Variants in NR2C2AP observed in about 807,000 individuals in gnomAD.
NR2C2AP encodes nuclear receptor 2C2 associated protein.
NR2C2AP carries 13 observed loss-of-function variants against 19.1 expected under a neutral mutation model. The ratio of observed to expected loss-of-function variants is 0.68; its 90% CI spans 0.44 to 1.08. NR2C2AP has a LOEUF of 1.08. Ranked by LOEUF, NR2C2AP falls within the 50% of genes least tolerant of loss-of-function variation. The pLI is 0.00. For missense variants in NR2C2AP, 181 were observed against 172.7 expected (o/e 1.05, Z -0.27); for synonymous variants, 81 against 64.4 (o/e 1.26, Z -1.23).
Position 19,202,901 on chromosome 19 carries a change from G to C in NR2C2AP, c.39-20C>G, listed in dbSNP as rs1177630660. 3 of 1,611,702 alleles carry C rather than the reference G, an allele frequency of 1.9e-6. No homozygotes were observed. On this transcript the variant is annotated intron_variant, in intron 1 of 4. Coordinates refer to ENST00000331552, the MANE Select transcript of NR2C2AP (RefSeq NM_176880.6). ...CTCACCCTGGAGGCACCAGGATCAA[G>C]GCGAAGAGAGGGGCTGAGACCAGCT...
chr19:19,202,455 AG>A lies in NR2C2AP; in HGVS notation c.235+14del. The A allele has an allele frequency of 6.2e-7, 1 of 1,613,764 alleles. No homozygotes were observed. Among genetic ancestry groups the A allele is most frequent in the Non-Finnish European group, 8.5e-7 (1 of 1,179,622 alleles). The stretch of plus-strand genomic sequence containing the variant: ...GTGACCCCTGGAACCCCTGCCACCC[AG>A]GGCCTTCTAGTACCTTCCAGGCAGC... On this transcript the variant is annotated intron_variant, in intron 3 of 4. Coordinates refer to ENST00000331552, the MANE Select transcript of NR2C2AP (RefSeq NM_176880.6).
chr19:19,203,144 C>A lies in NR2C2AP; in HGVS notation c.-84G>T. On this transcript the variant is annotated 5_prime_UTR_variant, in exon 1 of 5. Coordinates refer to ENST00000331552, the MANE Select transcript of NR2C2AP (RefSeq NM_176880.6). Reference sequence around the variant, plus strand: ...GGCGCCTCCTCAAGCTACAGGGCGGCGCGATCTTGGCTACGCCTTGGCCTG... The same window carrying A: ...GGCGCCTCCTCAAGCTACAGGGCGGAGCGATCTTGGCTACGCCTTGGCCTG... 7.5e-6 allele frequency: 11 copies of A among 1,460,802 alleles called. No homozygotes were observed. Among genetic ancestry groups the A allele is most frequent in the Non-Finnish European group, 1.0e-5 (11 of 1,052,170 alleles). 90.5% of individuals were successfully genotyped at this position (1,460,802 alleles called of 1,614,324 possible). A position where few individuals can be genotyped will look rare whatever the true frequency, so the allele number is the denominator to read the frequency against.
chr19:19,201,952 G>A lies in NR2C2AP; in HGVS notation c.393C>T (p.His131=). The A allele has an allele frequency of 6.2e-7, 1 of 1,614,222 alleles. No homozygotes were observed. The change falls in exon 5 of 5, where the codon CAC becomes CAT. Residue 131 remains histidine (H), a synonymous_variant. Coordinates refer to ENST00000331552, the MANE Select transcript of NR2C2AP (RefSeq NM_176880.6). The stretch of plus-strand genomic sequence containing the variant: ...ACACCTTCTCCCCAAGCACCCGCAG[G>A]TGGTAGATGACCACACGGCCAAAAA... ...TDFFGRVVIY[H]LRVLGEKV
Position 19,202,896 on chromosome 19 carries a change from A to G in NR2C2AP, c.39-15T>C, listed in dbSNP as rs1424034296. ...CTGAACTCACCCTGGAGGCACCAGG[A>G]TCAAGGCGAAGAGAGGGGCTGAGAC... On this transcript the variant is annotated splice_polypyrimidine_tract_variant and intron_variant, in intron 1 of 4. Coordinates refer to ENST00000331552, the MANE Select transcript of NR2C2AP (RefSeq NM_176880.6). 1 of 1,612,510 alleles carries G rather than the reference A, an allele frequency of 6.2e-7. No homozygotes were observed. The highest frequency in any genetic ancestry group is 8.5e-7 in the Non-Finnish European group (1 of 1,178,926).
In NR2C2AP at chr19:19,202,815, C is replaced by G; in HGVS notation, c.105G>C (p.Glu35Asp). Residue 35 changes from glutamate (E) to aspartate (D), a missense_variant, in exon 2 of 5, where the codon GAG (glutamate) becomes GAC (aspartate). Glu to Asp is a conservative substitution (Grantham distance 45, BLOSUM62 2). Coordinates refer to ENST00000331552, the MANE Select transcript of NR2C2AP (RefSeq NM_176880.6). ...CCTGGTCTGAGTTCCAACATGTCTC[C>G]TCATCCTGGTCGAAAAGATGTTTTT... ...FGKKHLFDQD[E>D]ETCWNSDQGP... is the part of the protein sequence containing the mutation. 6.2e-7 allele frequency: 1 copy of G among 1,613,920 alleles called. No individual in the cohort carries two copies. Among genetic ancestry groups the G allele is most frequent in the Non-Finnish European group, 8.5e-7 (1 of 1,180,020 alleles).
chr19:19,202,955 G>A, intron 1 of NR2C2AP, 68 bp downstream of exon 1: 1 of 1,609,636 alleles, frequency 6.2e-7, no homozygotes, highest in South Asian at 1.1e-5. Flanking sequence ...CTGACCCCCA[G>A]ATCTGTCCAC....
chr19:19,203,088 T>A lies in NR2C2AP; in HGVS notation c.-28A>T. 2 of 1,613,520 alleles carry A rather than the reference T, an allele frequency of 1.2e-6. No individual in the cohort carries two copies. Among genetic ancestry groups the A allele is most frequent in the Non-Finnish European group, 1.7e-6 (2 of 1,179,590 alleles). On this transcript the variant is annotated 5_prime_UTR_variant, in exon 1 of 5. Transcript: ENST00000331552. ...CGGTTCCACAAGACCTCGCAGGGCT[T>A]AGGATTGGGCACAGCCTTGGTTCGA...
At chr19:19,202,767 G>A (rs1381455969) in intron 2 of NR2C2AP, 24 bp downstream of exon 2, 1 of 1,591,918 alleles carries the variant, frequency 6.3e-7, no homozygotes, top group Non-Finnish European at 8.6e-7. Flanking sequence ...CCCTAGAGAT[G>A]GAGGGTCGAG....
intron 4 of NR2C2AP, 67 bp from the exon 5 acceptor site, chr19:19,202,108 C>T: frequency 6.4e-7 from 1 of 1,554,272 alleles, no homozygotes; most frequent in African/African-American, 1.4e-5. Context: ...CCACCCCTTC[C>T]AGACCCAGCT....
chr19:19,203,209 C>T lies in NR2C2AP; in HGVS notation c.-149G>A, dbSNP rs2060743690. On this transcript the variant is annotated 5_prime_UTR_variant, in exon 1 of 5. Coordinates refer to ENST00000331552, the MANE Select transcript of NR2C2AP (RefSeq NM_176880.6). ...TAACTTGGGACGAGAACCGCCACTC[C>T]CTCGCCCACCCCAGTCCTAAATGTC... 2.7e-6 allele frequency: 2 copies of T among 748,294 alleles called. No homozygotes were observed. The highest frequency in any genetic ancestry group is 3.5e-5 in the African/African-American group (2 of 57,844). The allele number at this position is 748,294 out of a possible 1,614,324, so 46.4% of individuals were successfully genotyped here. A position where few individuals can be genotyped will look rare whatever the true frequency, so the allele number is the denominator to read the frequency against.
At position 19,202,405 on chromosome 19, in the gene NR2C2AP, C is replaced by A. The variant is rs1487936276; in HGVS notation, c.236-7G>T. On this transcript the variant is annotated splice_region_variant and splice_polypyrimidine_tract_variant and intron_variant, in intron 3 of 4. Coordinates refer to ENST00000331552, the MANE Select transcript of NR2C2AP (RefSeq NM_176880.6). ...GCCTGAGTGCCCTGTGAACCTTCAG[C>A]AGAGAAAGGCAATGAGTGTCTGGGG... 1 of 1,614,026 alleles carries A rather than the reference C, an allele frequency of 6.2e-7. No homozygotes were observed. Among genetic ancestry groups the A allele is most frequent in the Non-Finnish European group, 8.5e-7 (1 of 1,180,008 alleles).
In NR2C2AP at chr19:19,201,754, C is replaced by T. The variant is rs2060723539; in HGVS notation, c.*171G>A. 1.2e-6 allele frequency: 2 copies of T among 1,613,532 alleles called. No individual in the cohort carries two copies. The highest frequency in any genetic ancestry group is 1.3e-5 in the African/African-American group (1 of 74,938). ...GCCGGGGACTCAGACACTCAGGGAA[C>T]AAAATGGTCAGCCAGAGCTGGGGAA... On this transcript the variant is annotated 3_prime_UTR_variant, in exon 5 of 5. Transcript: ENST00000331552.
In NR2C2AP at chr19:19,201,724, C is replaced by G. The variant is rs371438200; in HGVS notation, c.*201G>C. ...GTGCCCGCTGACCCTGAGTGAAGGCCGCCTGCCGGGGACTCAGACACTCAG... is the reference window on the plus strand; with the variant it reads ...GTGCCCGCTGACCCTGAGTGAAGGCGGCCTGCCGGGGACTCAGACACTCAG... On this transcript the variant is annotated 3_prime_UTR_variant, in exon 5 of 5. Transcript: ENST00000331552. 12 of 1,613,810 alleles carry G rather than the reference C, an allele frequency of 7.4e-6. No individual in the cohort carries two copies. In the African/African-American group the frequency reaches 1.6e-4, roughly 22 times the overall value.
At position 19,201,662 on chromosome 19, in the gene NR2C2AP, C is replaced by G. The variant is rs200043123; in HGVS notation, c.*263G>C. On this transcript the variant is annotated 3_prime_UTR_variant, in exon 5 of 5. Transcript: ENST00000331552. ...GCCCCATCTCAGTGCAACAGGTGAT[C>G]GAGAACCACATCCTCAAGCTCTTCC... The G allele has an allele frequency of 3.5e-4, 569 of 1,614,014 alleles. No individual in the cohort carries two copies. The highest frequency in any genetic ancestry group is 4.4e-4 in the Non-Finnish European group (522 of 1,180,042).
Position 19,201,568 on chromosome 19 carries a change from G to C in NR2C2AP, c.*357C>G, listed in dbSNP as rs1222696572. 1.9e-6 allele frequency: 3 copies of C among 1,609,950 alleles called. No homozygotes were observed. Among genetic ancestry groups the C allele is most frequent in the South Asian group, 2.2e-5 (2 of 91,088 alleles). ...GCAAGGGTCCCTGTTTGTCCCCTAA[G>C]GGGAGAGCGCAGGTTGGCCTGTGCC... On this transcript the variant is annotated 3_prime_UTR_variant, in exon 5 of 5. Transcript: ENST00000331552.
chr19:19,203,309 T>C lies in NR2C2AP; in HGVS notation c.-249A>G, dbSNP rs73922833. The C allele has an allele frequency of 0.011, 6,170 of 575,124 alleles. 299 individuals are homozygous for C. Among genetic ancestry groups the C allele is most frequent in the African/African-American group, 0.1 (5,490 of 53,538 alleles). The allele number at this position is 575,124 out of a possible 1,614,324, so 35.6% of individuals were successfully genotyped here. On this transcript the variant is annotated 5_prime_UTR_variant, in exon 1 of 5. Coordinates refer to ENST00000331552, the MANE Select transcript of NR2C2AP (RefSeq NM_176880.6). Reference sequence around the variant, plus strand: ...CCGCCAATGCCCGGAGGCCAGGCCTTTCACAGGAAACAGATTTCCCGCGGG... The same window carrying C: ...CCGCCAATGCCCGGAGGCCAGGCCTCTCACAGGAAACAGATTTCCCGCGGG...
Position 19,201,798 on chromosome 19 carries a change from A to T in NR2C2AP, c.*127T>A. 1 of 1,613,142 alleles carries T rather than the reference A, an allele frequency of 6.2e-7. No individual in the cohort carries two copies. The highest frequency in any genetic ancestry group is 8.5e-7 in the Non-Finnish European group (1 of 1,179,658). ...TGGGGAAACCCAGAACTGACTTCAA[A>T]GGCAGCTTCTGGACAGGTGGTGGGA... is the stretch of plus-strand genomic sequence containing the variant. On this transcript the variant is annotated 3_prime_UTR_variant, in exon 5 of 5. Coordinates refer to ENST00000331552, the MANE Select transcript of NR2C2AP (RefSeq NM_176880.6).
At position 19,201,451 on chromosome 19, in the gene NR2C2AP, T is replaced by C. The variant is rs1241242425; in HGVS notation, c.*474A>G. ...TATTTTTATATTAATTCTGAAAAGC[T>C]ACAAAAGTGCATTTTTACAAACTTA... On this transcript the variant is annotated 3_prime_UTR_variant, in exon 5 of 5. Transcript: ENST00000331552. The C allele has an allele frequency of 1.2e-5, 19 of 1,538,146 alleles. No homozygotes were observed. The highest frequency in any genetic ancestry group is 1.6e-5 in the Non-Finnish European group (18 of 1,145,456).
rs2060741763 is a variant in NR2C2AP, at chr19:19,203,009, C to T, written c.38+14G>A. The T allele has an allele frequency of 1.2e-6, 2 of 1,614,032 alleles. No homozygotes were observed. The highest frequency in any genetic ancestry group is 1.3e-5 in the African/African-American group (1 of 74,926). On this transcript the variant is annotated intron_variant, in intron 1 of 4. Transcript: ENST00000331552. ...CTTAGGGCCTCGCCACTGCCTGTCC[C>T]CACAGACTCTTACCTGCTCACTGTC...
Sources: allele counts gnomAD v4.1 joint callset, GRCh38; gene constraint gnomAD v4.1.1; transcripts MANE v1.5; gene names NCBI Gene and HGNC (gene_info 2026-07-23, HGNC 2026-07-21).